Variants in ANK3 observed in about 807,000 individuals in gnomAD.
The protein encoded by ANK3 is ankyrin-3.
A neutral mutation model predicts 370.9 loss-of-function variants in ANK3; 57 were observed. The observed-to-expected ratio is 0.15, with a 90% CI of 0.12 to 0.19. ANK3 has a LOEUF of 0.19. Among genes scored for constraint, ANK3 ranks in the 10% least tolerant of loss-of-function variants. The pLI is 1.00. For missense variants in ANK3, 4,439 were observed against 5,302.1 expected (o/e 0.84, Z 5.06); for synonymous variants, 1,929 against 1,946.3 (o/e 0.99, Z 0.23).
intron 2 of ANK3, among the ~76,000 whole-genome samples, chr10:60,511,789 AT>A (rs5785448): frequency 0.19 from 27,474 of 141,394 alleles, 2,523 homozygotes; most frequent in Middle Eastern, 0.27. Context: ...GGGGAAAGGC[AT>A]TTTTTTTTTT....
At chr10:60,368,419 T>C (rs2059680845) in intron 1 of ANK3, among the ~76,000 whole-genome samples, 2 of 152,128 alleles carry the variant, frequency 1.3e-5, no homozygotes, top group Non-Finnish European at 2.9e-5. Context: ...AAGGCAAACA[T>C]TGCTTCTCCA....
rs141763859 is a variant in ANK3 at position 60,513,239 on chromosome 10, A to G, written c.96+101947T>C. On this transcript the variant is annotated intron_variant, in intron 2 of 43. Coordinates refer to the ANK3 transcript ENST00000373827. ...AATATTGCTCAGTAAATGAATAAAG[A>G]CACATCTAGGTGTGAGTAGCTATGG... 3.3e-5 allele frequency among the ~76,000 whole-genome samples: 5 copies of G among 152,282 alleles called. 1 individual carries two copies. The highest frequency in any genetic ancestry group is 1.2e-4 in the African/African-American group (5 of 41,572).
rs771855903 is a variant in ANK3 at position 60,074,190 on chromosome 10, T to G, written c.6691A>C (p.Asn2231His). 1 of 1,614,164 alleles carries G rather than the reference T, an allele frequency of 6.2e-7. No individual in the cohort carries two copies. Among genetic ancestry groups the G allele is most frequent in the South Asian group, 1.1e-5 (1 of 91,084 alleles). The change falls in exon 37 of 44, where the codon AAT becomes CAT. Residue 2231 changes from asparagine (N) to histidine (H), a missense_variant. By Grantham distance (68) the Asn-to-His change is moderately conservative. Around this residue, in one of 13 missense-constraint regions of ANK3, gnomAD observed 1,601 missense variants for 1,731.7 expected, o/e 0.92. Transcript: ENST00000280772. Reference sequence around the variant, plus strand: ...CGCATGCCTTTGCTTAAAACCCGATTGTGGTCATCTTCTTCACTACTGGCT... The same window carrying G: ...CGCATGCCTTTGCTTAAAACCCGATGGTGGTCATCTTCTTCACTACTGGCT... ...MKASSEEDDH[N>H]RVLSKGMRVK...
rs970008689 is a variant in ANK3, at chr10:60,285,411, G to A, written c.115-5772C>T. Reference sequence around the variant, plus strand: ...ACAGTTTCTCTCACTAATCAATACTGTCTCTCTGTATAAAATCACCAATGA... The same window carrying A: ...ACAGTTTCTCTCACTAATCAATACTATCTCTCTGTATAAAATCACCAATGA... On this transcript the variant is annotated intron_variant, in intron 1 of 43. Coordinates refer to ENST00000280772, the MANE Select transcript of ANK3 (RefSeq NM_020987.5). 5.3e-5 allele frequency among the ~76,000 whole-genome samples: 8 copies of A among 152,066 alleles called. No homozygotes were observed. The East Asian group carries it at 1.5e-3, about 29-fold the overall frequency.
chr10:60,032,194 CTTTTTTTT>C (rs552219776), intron 43 of ANK3, among the ~76,000 whole-genome samples: 474 of 43,158 alleles, frequency 0.011, 17 homozygotes, highest in South Asian at 0.057. Flanking sequence ...TACACAGCTT[CTTTTTTTT>C]TTTTTTTTTT....
chr10:60,390,848 C>T (rs1030694156), upstream of ANK3, among the ~76,000 whole-genome samples: 10 of 151,396 alleles, frequency 6.6e-5, no homozygotes, highest in Non-Finnish European at 1.3e-4. Flanking sequence ...TGTGTGCTTC[C>T]GATACAAAAG....
At chr10:60,059,570 C>CATCTCCTCATCAGGACCAGATTT in intron 40 of ANK3, 140 bp from the exon 41 acceptor site, 1 of 1,237,316 alleles carries the variant, frequency 8.1e-7, no homozygotes, top group Non-Finnish European at 1.2e-6. Flanking sequence ...TCTCTTCCAT[C>CATCTCCTCATCAGGACCAGATTT]ATCTCCTCAT....
intron 7 of ANK3, among the ~76,000 whole-genome samples, chr10:60,257,229 GT>G: frequency 6.6e-6 from 1 of 152,222 alleles, no homozygotes; most frequent in Middle Eastern, 3.4e-3. Context: ...ATTTAGTAGG[GT>G]TCTGAATGTG....
chr10:60,490,470 T>TG, intron 2 of ANK3, among the ~76,000 whole-genome samples: 1 of 148,524 alleles, frequency 6.7e-6, no homozygotes, highest in East Asian at 1.9e-4. Context: ...TACTTCCCTG[T>TG]GAAAAATCAG....
intron 1 of ANK3, among the ~76,000 whole-genome samples, chr10:60,295,081 C>T (rs2042218927): frequency 6.6e-6 from 1 of 152,090 alleles, no homozygotes; most frequent in South Asian, 2.1e-4. Context: ...AAATGTACTA[C>T]GAGGGTTACT....
At chr10:60,676,715 G>C (rs888632988) in intron 1 of ANK3, among the ~76,000 whole-genome samples, 1 of 152,132 alleles carries the variant, frequency 6.6e-6, no homozygotes, top group Non-Finnish European at 1.5e-5. Context: ...ATGAAAGGAC[G>C]GAAGCAAAGT....
intron 17 of ANK3, among the ~76,000 whole-genome samples, chr10:60,185,349 T>C (rs993699795): frequency 1.3e-5 from 2 of 152,212 alleles, no homozygotes; most frequent in African/African-American, 2.4e-5. Context: ...AAAACGATTT[T>C]TTCTTACTTA....
intron 2 of ANK3, among the ~76,000 whole-genome samples, chr10:60,542,754 C>G (rs1191808062): frequency 8.6e-5 from 13 of 151,952 alleles, no homozygotes; most frequent in African/African-American, 3.1e-4. Context: ...TCTCACCTTT[C>G]TAAAGGTTAA....
In ANK3 at chr10:60,662,164, A is replaced by T. The variant is rs2078943531; in HGVS notation, c.58-46940T>A. Among the ~76,000 whole-genome samples, 4 of 152,116 alleles carry T rather than the reference A, an allele frequency of 2.6e-5. No homozygotes were observed. The South Asian group carries it at 8.3e-4, about 32-fold the overall frequency. On this transcript the variant is annotated intron_variant, in intron 1 of 43. Transcript: ENST00000373827. ...TGGTCGTTTTTGAGTTTATTTTGGA[A>T]AAAGAGAAATAAAGGATGAAAAAAT...
At chr10:60,700,160 A>G (rs927222292) in intron 1 of ANK3, among the ~76,000 whole-genome samples, 2 of 152,262 alleles carry the variant, frequency 1.3e-5, no homozygotes, top group African/African-American at 4.8e-5. Context: ...TTTGCTTCCT[A>G]AAGATACATG....
intron 1 of ANK3, among the ~76,000 whole-genome samples, chr10:60,695,595 T>A (rs937551656): frequency 2.1e-4 from 32 of 151,948 alleles, no homozygotes; most frequent in Admixed American, 9.2e-4. Context: ...GGATTAAGAA[T>A]CTCACTCAAA....
chr10:60,069,188 G>C lies in ANK3; in HGVS notation c.11693C>G (p.Thr3898Ser). The C allele has an allele frequency of 2.5e-6, 4 of 1,614,112 alleles. No individual in the cohort carries two copies. Among genetic ancestry groups the C allele is most frequent in the Non-Finnish European group, 3.4e-6 (4 of 1,180,004 alleles). Residue 3898 changes from threonine to serine, a missense_variant, in exon 37 of 44, where the codon ACC (threonine) becomes AGC (serine). Coordinates refer to ENST00000280772, the MANE Select transcript of ANK3 (RefSeq NM_020987.5). ...KMKQVSQSEK[T>S]KALTTSSCVD... ...ACATGAAGAAGTAGTAAGGGCTTTG[G>C]TTTTCTCGGATTGACTAACCTGCTT... is the stretch of plus-strand genomic sequence containing the variant.
intron 1 of ANK3, among the ~76,000 whole-genome samples, chr10:60,298,408 T>A (rs1395702867): frequency 6.6e-6 from 1 of 152,180 alleles, no homozygotes; most frequent in Non-Finnish European, 1.5e-5. Context: ...GTTCAGCTCA[T>A]GCAGATAAAG....
chr10:60,669,183 G>C (rs2079035880), intron 1 of ANK3, among the ~76,000 whole-genome samples: 1 of 152,142 alleles, frequency 6.6e-6, no homozygotes, highest in African/African-American at 2.4e-5. Flanking sequence ...GTATTTATGA[G>C]CTACACTCAG....
Sources: allele counts gnomAD v4.1 joint callset (sites outside exome capture counted in the v4.1 genomes callset), GRCh38; gene constraint gnomAD v4.1.1; regional missense constraint gnomAD v4.1.1; transcripts MANE v1.5; gene names NCBI Gene and HGNC (gene_info 2026-07-23, HGNC 2026-07-21).